Variants in PDE8B observed in about 807,000 individuals in gnomAD.
PDE8B encodes the protein phosphodiesterase 8B.
In PDE8B, 26 loss-of-function variants were observed where a neutral mutation model predicts 101.3. The observed-to-expected ratio is 0.26, with a 90% CI of 0.19 to 0.36. The LOEUF is 0.36. Ranked by LOEUF, PDE8B falls within the 10% of genes least tolerant of loss-of-function variation. The pLI is 1.00. For missense variants in PDE8B, 810 were observed against 1,163.1 expected, an observed-to-expected ratio of 0.70 and a Z score of 4.42; for synonymous variants, 424 against 429.3, an observed-to-expected ratio of 0.99 and a Z score of 0.15.
intron 5 of PDE8B, among the ~76,000 whole-genome samples, chr5:77,332,051 T>C (rs1777234093): frequency 6.6e-6 from 1 of 152,108 alleles, no homozygotes; most frequent in Non-Finnish European, 1.5e-5. Flanking sequence ...TCACCCAGCA[T>C]CTCAGGGTAG....
chr5:77,386,884 T>C (rs1280530936), intron 10 of PDE8B, among the ~76,000 whole-genome samples: 1 of 113,242 alleles, frequency 8.8e-6, no homozygotes, highest in East Asian at 2.7e-4. Context: ...TTTTTTTTTT[T>C]TTTTTTTTTT....
intron 1 of PDE8B, among the ~76,000 whole-genome samples, chr5:77,219,399 G>C (rs1291222702): frequency 6.6e-6 from 1 of 152,040 alleles, no homozygotes; most frequent in African/African-American, 2.4e-5. Flanking sequence ...CCTAAATTTT[G>C]GAAATTTTTA....
At chr5:77,402,339 A>AGAT (rs1282159687) in intron 11 of PDE8B, among the ~76,000 whole-genome samples, 3 of 152,122 alleles carry the variant, frequency 2.0e-5, no homozygotes, top group African/African-American at 7.2e-5. Context: ...TTAGGAAAAG[A>AGAT]GATAGTATAA....
intron 1 of PDE8B, among the ~76,000 whole-genome samples, chr5:77,295,143 G>A (rs910737239): frequency 6.6e-6 from 1 of 152,124 alleles, no homozygotes; most frequent in Non-Finnish European, 1.5e-5. Flanking sequence ...AATGCTTTAA[G>A]CCAGGAAATA....
chr5:77,120,184 T>A, the PDE8B span, among the ~76,000 whole-genome samples: 1 of 152,196 alleles, frequency 6.6e-6, no homozygotes, highest in Non-Finnish European at 1.5e-5. Context: ...AATAATATGG[T>A]ATTTTCCTAT....
intron 5 of PDE8B, among the ~76,000 whole-genome samples, chr5:77,337,017 G>A (rs912303579): frequency 5.3e-5 from 8 of 152,222 alleles, no homozygotes. Context: ...TATGCAGGAA[G>A]TGAAGTGTAC....
At chr5:77,156,926 G>T in the PDE8B span, among the ~76,000 whole-genome samples, 3 of 152,082 alleles carry the variant, frequency 2.0e-5, no homozygotes, top group African/African-American at 7.2e-5. Context: ...GGAAAGTCAG[G>T]GTAGCTCTCC....
intron 1 of PDE8B, among the ~76,000 whole-genome samples, chr5:77,214,543 T>C (rs1037536780): frequency 1.3e-5 from 2 of 152,228 alleles, no homozygotes; most frequent in African/African-American, 2.4e-5. Context: ...AAGCCAGTTA[T>C]TAGTGACTGC....
In PDE8B at chr5:77,360,810, C is replaced by T. The variant is rs553370732; in HGVS notation, c.1167+7404C>T. ...GATGTCTTTGAAACAACTCTTGACTCCATGCCCACTTCCCAACCCACCACC... is the reference window on the plus strand; with the variant it reads ...GATGTCTTTGAAACAACTCTTGACTTCATGCCCACTTCCCAACCCACCACC... On this transcript the variant is annotated intron_variant, in intron 10 of 21. Transcript: ENST00000264917. Among the ~76,000 whole-genome samples the T allele has an allele frequency of 3.3e-5, 5 of 152,264 alleles. No individual in the cohort carries two copies. In the South Asian group the frequency reaches 6.2e-4, roughly 19 times the overall value.
chr5:77,201,210 G>A, the PDE8B span, among the ~76,000 whole-genome samples: 8 of 152,220 alleles, frequency 5.3e-5, no homozygotes, highest in African/African-American at 1.2e-4. Context: ...GCATCACTGC[G>A]TAGGCCTGAC....
chr5:77,399,205 G>A (rs1343016023), intron 10 of PDE8B, among the ~76,000 whole-genome samples: 1 of 152,236 alleles, frequency 6.6e-6, no homozygotes, highest in Non-Finnish European at 1.5e-5. Context: ...TGTAAGGGCA[G>A]GATTTACGGT....
chr5:77,210,752 C>G lies in PDE8B; in HGVS notation c.-174C>G, dbSNP rs1231288484. 3.1e-6 allele frequency: 3 copies of G among 981,912 alleles called. No homozygotes were observed. The highest frequency in any genetic ancestry group is 3.6e-6 in the Non-Finnish European group (3 of 829,080). The allele number at this position is 981,912 out of a possible 1,614,324, so 60.8% of individuals were successfully genotyped here. A position where few individuals can be genotyped will look rare whatever the true frequency, so the allele number is the denominator to read the frequency against. ...AAGTTGGGGTGACGCGCGCGGTCCC[C>G]GGAGGCTCGGCGGGGGGCACCGCGG... On this transcript the variant is annotated 5_prime_UTR_variant, in exon 1 of 22. Coordinates refer to ENST00000264917, the MANE Select transcript of PDE8B (RefSeq NM_003719.5). This position sits in a 1 kb window ranked among gnomAD's most constrained non-coding sequence, Gnocchi z 4.9.
intron 1 of PDE8B, among the ~76,000 whole-genome samples, chr5:77,221,637 G>C (rs1440246854): frequency 1.3e-5 from 2 of 152,118 alleles, no homozygotes; most frequent in Non-Finnish European, 2.9e-5. Context: ...TTGTCTTCAT[G>C]TATTCATTGG....
the PDE8B span, among the ~76,000 whole-genome samples, chr5:77,153,547 G>A: frequency 5.4e-4 from 81 of 150,886 alleles, no homozygotes; most frequent in African/African-American, 1.8e-3. Flanking sequence ...GCTTTAGCAC[G>A]TGGGCCCCTG....
the PDE8B span, among the ~76,000 whole-genome samples, chr5:77,175,087 A>G: frequency 6.6e-6 from 1 of 152,054 alleles, no homozygotes; most frequent in Non-Finnish European, 1.5e-5. Flanking sequence ...TCCGCTCCCC[A>G]CATCCAACCC....
chr5:77,389,638 A>G (rs968182648), intron 10 of PDE8B, among the ~76,000 whole-genome samples: 2 of 152,010 alleles, frequency 1.3e-5, no homozygotes, highest in East Asian at 1.9e-4. Context: ...TTCACAGTCT[A>G]TCTCTGTCCA....
the PDE8B span, among the ~76,000 whole-genome samples, chr5:77,137,659 C>T: frequency 1.3e-5 from 2 of 152,128 alleles, no homozygotes; most frequent in Non-Finnish European, 2.9e-5. Flanking sequence ...GAAAAAGGCT[C>T]CCTACGGAAA....
Position 77,425,893 on chromosome 5 carries a change from G to A in PDE8B, c.2545G>A (p.Asp849Asn), listed in dbSNP as rs886060759. 6.2e-7 allele frequency: 1 copy of A among 1,613,568 alleles called. No individual in the cohort carries two copies. The highest frequency in any genetic ancestry group is 8.5e-7 in the Non-Finnish European group (1 of 1,179,528). The part of the protein sequence containing the change: ...YFITDMFDAW[D>N]AFAHLPALMQ... ...CATAACAGACATGTTTGATGCTTGG[G>A]ATGGTAAGACAGTTACTGTTTTGTC... Residue 849 changes from aspartate to asparagine, a missense_variant, in exon 21 of 22, where the codon GAT (aspartate) becomes AAT (asparagine). Transcript: ENST00000264917.
intron 10 of PDE8B, among the ~76,000 whole-genome samples, chr5:77,360,298 G>A (rs951325494): frequency 2.0e-5 from 3 of 151,996 alleles, no homozygotes; most frequent in Non-Finnish European, 4.4e-5. Context: ...ACTTCTACAT[G>A]ACTTGTGTCA....
Sources: allele counts gnomAD v4.1 joint callset (sites outside exome capture counted in the v4.1 genomes callset), GRCh38; gene constraint gnomAD v4.1.1; non-coding constraint Gnocchi (gnomAD v3.1); transcripts MANE v1.5; gene names NCBI Gene and HGNC (gene_info 2026-07-23, HGNC 2026-07-21).